TPRG1: variants seen among roughly 807,000 people sequenced by gnomAD.
TPRG1 encodes tumor protein p63-regulated gene 1 protein.
A neutral mutation model predicts 29.3 loss-of-function variants in TPRG1; 29 were observed. That is an observed-to-expected ratio of 0.99 (90% confidence interval 0.74 to 1.35). The LOEUF (loss-of-function observed/expected upper bound fraction) is 1.35, where lower values mean the gene tolerates loss of function less well. Among genes scored for constraint, TPRG1 ranks in the 40% most tolerant of loss-of-function variants. TPRG1 has a pLI of 0.00. For missense variants in TPRG1, 327 were observed against 335.0 expected (o/e 0.98, Z 0.19); for synonymous variants, 130 against 116.8 (o/e 1.11, Z -0.73).
intron 4 of TPRG1, among the ~76,000 whole-genome samples, chr3:189,073,499 A>G (rs570078599): frequency 2.0e-5 from 3 of 152,316 alleles, no homozygotes; most frequent in Non-Finnish European, 4.4e-5. Context: ...TTGAATAGGT[A>G]TCTTTTTTTC....
chr3:189,290,829 A>G (rs554975340), intron 4 of TPRG1, among the ~76,000 whole-genome samples: 3 of 152,314 alleles, frequency 2.0e-5, no homozygotes, highest in African/African-American at 7.2e-5. Flanking sequence ...ACAGGATGGG[A>G]AAGTTTTCTA....
chr3:189,306,028 T>G (rs1202322978), intron 4 of TPRG1, among the ~76,000 whole-genome samples: 1 of 152,248 alleles, frequency 6.6e-6, no homozygotes, highest in Non-Finnish European at 1.5e-5. Context: ...TGCAAGTTTC[T>G]ATTTGTGCTT....
At chr3:189,267,478 CAT>C (rs775454698) in intron 4 of TPRG1, 5 of 152,100 alleles carry the variant, frequency 3.3e-5, no homozygotes, top group Non-Finnish European at 7.4e-5. Flanking sequence ...ATGTAAGCAA[CAT>C]ATTGTGAGAG....
At chr3:189,249,603 A>T (rs1291368504) in intron 4 of TPRG1, among the ~76,000 whole-genome samples, 1 of 151,948 alleles carries the variant, frequency 6.6e-6, no homozygotes, top group African/African-American at 2.4e-5. Flanking sequence ...TTTTTGTATC[A>T]TATTTTTAAA....
chr3:189,164,378 T>A (rs1279950729), intron 5 of TPRG1, among the ~76,000 whole-genome samples: 1 of 152,122 alleles, frequency 6.6e-6, no homozygotes, highest in Non-Finnish European at 1.5e-5. Flanking sequence ...GCCTGGGTAG[T>A]CTTGAACTCC....
chr3:189,305,609 C>A (rs1273110126), intron 4 of TPRG1, among the ~76,000 whole-genome samples: 2 of 152,162 alleles, frequency 1.3e-5, no homozygotes, highest in African/African-American at 4.8e-5. Flanking sequence ...GGTCTTCTAT[C>A]CTGCCAACAA....
At chr3:189,124,066 A>G (rs1722144411) in intron 1 of TPRG1, among the ~76,000 whole-genome samples, 1 of 152,118 alleles carries the variant, frequency 6.6e-6, no homozygotes, top group Non-Finnish European at 1.5e-5. Context: ...TTTTCAGGTA[A>G]TATTTTAAGA....
At chr3:189,156,032 G>A (rs1726621650) in intron 5 of TPRG1, among the ~76,000 whole-genome samples, 1 of 152,156 alleles carries the variant, frequency 6.6e-6, no homozygotes, top group South Asian at 2.1e-4. Context: ...GTATGTTAAT[G>A]AGCTTCATTG....
chr3:189,061,093 T>C (rs1716075740), intron 4 of TPRG1, among the ~76,000 whole-genome samples: 1 of 152,026 alleles, frequency 6.6e-6, no homozygotes, highest in African/African-American at 2.4e-5. Flanking sequence ...GGTATGAAAA[T>C]AGGCACATAG....
rs115475360 is a variant in TPRG1 at position 189,232,075 on chromosome 3, G to A, written c.303-6658G>A. On this transcript the variant is annotated intron_variant, in intron 3 of 5. Coordinates refer to ENST00000345063, the MANE Select transcript of TPRG1 (RefSeq NM_198485.4). ...CCTTTGTTTTATAAAGAAAAAAATG[G>A]CCACTTTTTTTTTCTGTAATCAACT... 8.2e-3 allele frequency among the ~76,000 whole-genome samples: 1,247 copies of A among 151,842 alleles called. 10 individuals are homozygous for A. The highest frequency in any genetic ancestry group is 0.029 in the African/African-American group (1,188 of 41,404).
intron 3 of TPRG1, among the ~76,000 whole-genome samples, chr3:189,223,409 C>A (rs950860621): frequency 6.6e-6 from 1 of 152,176 alleles, no homozygotes; most frequent in African/African-American, 2.4e-5. Flanking sequence ...ATCTCTCTTG[C>A]CAGAATCCAT....
intron 1 of TPRG1, among the ~76,000 whole-genome samples, chr3:189,197,950 G>T (rs912715967): frequency 1.3e-5 from 2 of 152,212 alleles, no homozygotes; most frequent in African/African-American, 4.8e-5. Context: ...AATATTTACA[G>T]TGCCAAGGCC....
At chr3:189,224,986 C>T (rs1447721943) in intron 3 of TPRG1, among the ~76,000 whole-genome samples, 2 of 147,134 alleles carry the variant, frequency 1.4e-5, no homozygotes, top group East Asian at 2.0e-4. Context: ...GGCTGGAGTG[C>T]AGTGGCGTGA....
In TPRG1 at chr3:189,120,366, A is replaced by C. The variant is rs542897159; in HGVS notation, c.-743-6691A>C. On this transcript the variant is annotated intron_variant, in intron 1 of 6. Transcript: ENST00000412373. ...AGAAGTTGAGAATATGCCCCAGTGAATCCTCCCCACCTGCAGTTATGGTAA... is the reference window on the plus strand; with the variant it reads ...AGAAGTTGAGAATATGCCCCAGTGACTCCTCCCCACCTGCAGTTATGGTAA... 2.0e-5 allele frequency: 3 copies of C among 152,320 alleles called. No homozygotes were observed. In the South Asian group the frequency reaches 6.2e-4, roughly 32 times the overall value. The allele number at this position is 152,320 out of a possible 1,614,324, so 9.4% of individuals were successfully genotyped here.
chr3:189,088,781 G>A (rs1718134398), intron 4 of TPRG1, among the ~76,000 whole-genome samples: 1 of 152,108 alleles, frequency 6.6e-6, no homozygotes, highest in Non-Finnish European at 1.5e-5. Flanking sequence ...AAAAAGGTTT[G>A]CACTTGAATT....
chr3:189,170,373 T>C (rs1005456943), upstream of TPRG1, among the ~76,000 whole-genome samples: 13 of 152,132 alleles, frequency 8.5e-5, no homozygotes, highest in African/African-American at 2.7e-4. Context: ...ATCTCACCAA[T>C]AACATTTATA....
intron 4 of TPRG1, among the ~76,000 whole-genome samples, chr3:189,063,104 T>TGTG (rs1380404782): frequency 6.6e-6 from 1 of 151,950 alleles, no homozygotes; most frequent in African/African-American, 2.4e-5. Context: ...AAAATGCAGG[T>TGTG]GTGGTGTATT....
intron 4 of TPRG1, among the ~76,000 whole-genome samples, chr3:189,070,722 G>A (rs910498166): frequency 6.6e-6 from 1 of 152,124 alleles, no homozygotes; most frequent in Non-Finnish European, 1.5e-5. Flanking sequence ...AGATAGCTGA[G>A]CATCTAGGTA....
intron 4 of TPRG1, among the ~76,000 whole-genome samples, chr3:189,080,672 G>GTTTCCCAAA: frequency 6.6e-6 from 1 of 152,240 alleles, no homozygotes; most frequent in Middle Eastern, 3.4e-3. Context: ...AAACTTGGAG[G>GTTTCCCAAA]TGCAAGAATG....
Sources: gnomAD v4.1 joint callset for allele counts (sites outside exome capture counted in the v4.1 genomes callset) on GRCh38, gnomAD v4.1.1 for gene constraint, MANE v1.5 for transcripts, NCBI Gene and HGNC (gene_info 2026-07-23, HGNC 2026-07-21) for gene names.